Variants in JPH3 observed in about 807,000 individuals in gnomAD.
The protein encoded by JPH3 is junctophilin-3.
A neutral mutation model predicts 59.6 loss-of-function variants in JPH3; 11 were observed. That is an observed-to-expected ratio of 0.18 (90% CI 0.12 to 0.31). JPH3 has a LOEUF of 0.31. JPH3 is among the 10% of genes least tolerant of loss of function. JPH3 has a pLI of 1.00. For synonymous variants in JPH3, 673 were observed against 483.6 expected, an observed-to-expected ratio of 1.39 and a Z score of -5.14; for missense variants, 1,202 against 1,105.7, an observed-to-expected ratio of 1.09 and a Z score of -1.24.
At chr16:87,641,818 A>C (rs2031963197) in intron 1 of JPH3, among the ~76,000 whole-genome samples, 1 of 152,192 alleles carries the variant, frequency 6.6e-6, no homozygotes, top group Non-Finnish European at 1.5e-5. Context: ...ATGGGGCGTG[A>C]GGGGCCTGCA....
chr16:87,619,339 T>C (rs2031087473), intron 1 of JPH3, among the ~76,000 whole-genome samples: 1 of 150,906 alleles, frequency 6.6e-6, no homozygotes, highest in Admixed American at 6.6e-5. Context: ...AGAAGGATTA[T>C]TTGTCTTCTT....
intron 4 of JPH3, chr16:87,695,696 T>G: frequency 4.4e-6 from 2 of 451,062 alleles, no homozygotes; most frequent in South Asian, 3.1e-5. Context: ...CCTGCCGTCC[T>G]GGGAGCTTCC....
rs75153845 is a variant in JPH3 at position 87,663,867 on chromosome 16, T to A, written c.1160+18832T>A. ...GGGTTTCTGTCTGTTTTGAGTGCCC[T>A]TTCCCTAACCCCATTCCCCAACAAG... On this transcript the variant is annotated intron_variant, in intron 2 of 4. Coordinates refer to ENST00000284262, the MANE Select transcript of JPH3 (RefSeq NM_020655.4). Among the ~76,000 whole-genome samples, 90 of 150,140 alleles carry A rather than the reference T, an allele frequency of 6.0e-4. 1 individual carries two copies. In the East Asian group the frequency reaches 0.017, roughly 28 times the overall value.
At chr16:87,641,830 C>T (rs1477029483) in intron 1 of JPH3, among the ~76,000 whole-genome samples, 1 of 152,264 alleles carries the variant, frequency 6.6e-6, no homozygotes, top group Non-Finnish European at 1.5e-5. Flanking sequence ...GGGCCTGCAA[C>T]ACAAGTCCCT....
intron 1 of JPH3, among the ~76,000 whole-genome samples, chr16:87,630,921 TTATGAC>T (rs1251580966): frequency 3.9e-5 from 6 of 152,232 alleles, no homozygotes; most frequent in African/African-American, 1.4e-4. Context: ...GTGTTTTTCA[TTATGAC>T]TATGTAAGTA....
chr16:87,636,145 G>A (rs979054424), intron 1 of JPH3, among the ~76,000 whole-genome samples: 7 of 152,196 alleles, frequency 4.6e-5, no homozygotes, highest in African/African-American at 1.7e-4. Flanking sequence ...AGTTAGGTTC[G>A]ATGGGACAGG....
intron 2 of JPH3, among the ~76,000 whole-genome samples, chr16:87,657,875 T>A (rs1597268817): frequency 6.6e-6 from 1 of 152,194 alleles, no homozygotes; most frequent in East Asian, 1.9e-4. Flanking sequence ...TGGGGGCATG[T>A]GCCTGGCTGA....
chr16:87,612,819 C>A (rs1435022418), intron 1 of JPH3, among the ~76,000 whole-genome samples: 1 of 151,960 alleles, frequency 6.6e-6, no homozygotes. Context: ...GAGATTGAGA[C>A]CATCCTGGCT....
At chr16:87,696,004 T>C (rs767798559) in intron 4 of JPH3, 4 of 455,836 alleles carry the variant, frequency 8.8e-6, no homozygotes, top group Non-Finnish European at 1.8e-5. Context: ...CAGCTCGCAA[T>C]TGGACACAGT....
At chr16:87,656,938 G>A (rs1009534434) in intron 2 of JPH3, among the ~76,000 whole-genome samples, 1 of 152,142 alleles carries the variant, frequency 6.6e-6, no homozygotes, top group South Asian at 2.1e-4. Context: ...TTGGTGCATG[G>A]AGAGGATCTC....
chr16:87,681,072 A>C (rs1238028021), intron 2 of JPH3, among the ~76,000 whole-genome samples: 1 of 152,190 alleles, frequency 6.6e-6, no homozygotes, highest in African/African-American at 2.4e-5. Flanking sequence ...CATTGACGAA[A>C]TATTACCCAT....
intron 1 of JPH3, among the ~76,000 whole-genome samples, chr16:87,631,404 G>A (rs1217850833): frequency 1.3e-5 from 2 of 152,234 alleles, no homozygotes; most frequent in African/African-American, 2.4e-5. Context: ...ATTTGGGGCG[G>A]TGGGGGTGCA....
chr16:87,604,212 G>A (rs1163256317), intron 1 of JPH3: 8 of 1,431,414 alleles, frequency 5.6e-6, no homozygotes, highest in Non-Finnish European at 6.5e-6. Context: ...CATTAGTTGA[G>A]GGAATCGATC....
At chr16:87,681,143 A>T (rs540388128) in intron 2 of JPH3, among the ~76,000 whole-genome samples, 1 of 151,312 alleles carries the variant, frequency 6.6e-6, no homozygotes, top group South Asian at 2.1e-4. Context: ...CGCGGTGATG[A>T]CAGTTCCGGA....
intron 1 of JPH3, among the ~76,000 whole-genome samples, chr16:87,607,951 A>G (rs1158385058): frequency 6.6e-6 from 1 of 152,274 alleles, no homozygotes. Context: ...AGGAAGAAGC[A>G]AACAGCTATT....
chr16:87,662,366 C>G (rs1455785682), intron 2 of JPH3, among the ~76,000 whole-genome samples: 1 of 151,858 alleles, frequency 6.6e-6, no homozygotes, highest in Non-Finnish European at 1.5e-5. Context: ...CTCCCAAAAC[C>G]AAAACCAAAA....
chr16:87,653,634 A>C (rs1466455337), intron 2 of JPH3: 1 of 152,238 alleles, frequency 6.6e-6, no homozygotes, highest in Non-Finnish European at 1.5e-5. Context: ...CAGATGTGTC[A>C]GGGGTTATGT....
At chr16:87,640,747 G>A (rs1076957) in intron 1 of JPH3, among the ~76,000 whole-genome samples, 17 of 152,188 alleles carry the variant, frequency 1.1e-4, no homozygotes, top group Non-Finnish European at 2.1e-4. Flanking sequence ...CCTAAAGAAC[G>A]ATGTGTTGTT....
At chr16:87,689,304 G>A (rs1467148131) in intron 3 of JPH3, among the ~76,000 whole-genome samples, 2 of 152,154 alleles carry the variant, frequency 1.3e-5, no homozygotes, top group African/African-American at 2.4e-5. Flanking sequence ...CAGGACAGGC[G>A]AGTCAGGGTT....
Sources: allele counts gnomAD v4.1 joint callset (sites outside exome capture counted in the v4.1 genomes callset), GRCh38; gene constraint gnomAD v4.1.1; transcripts MANE v1.5; gene names NCBI Gene and HGNC (gene_info 2026-07-23, HGNC 2026-07-21).